Variants in TEX22 observed in about 807,000 individuals in gnomAD.
TEX22 encodes testis expressed 22.
Under a neutral mutation model 11.3 loss-of-function variants are expected in TEX22, and 16 were observed. The observed-to-expected ratio is 1.42, with a 90% CI of 0.96 to 2.15. The LOEUF is 2.15. Ranked by LOEUF, TEX22 falls within the 30% of genes most tolerant of loss-of-function variation. The probability of loss-of-function intolerance (pLI) is 0.00; values close to 1 mark genes in which losing one functional copy is unlikely to be tolerated. For synonymous variants in TEX22, 97 were observed against 92.3 expected (o/e 1.05, Z -0.29); for missense variants, 220 against 208.6 (o/e 1.05, Z -0.34).
intron 2 of TEX22, among the ~76,000 whole-genome samples, chr14:105,399,755 C>T (rs888661463): frequency 3.3e-5 from 5 of 152,218 alleles, no homozygotes; most frequent in Non-Finnish European, 7.3e-5. Context: ...AGGAAGGAGG[C>T]AAGGCAACAC....
Position 105,398,560 on chromosome 14 carries a change from G to C in TEX22, c.-115G>C, listed in dbSNP as rs1028519682. On this transcript the variant is annotated 5_prime_UTR_variant, in exon 1 of 4. Transcript: ENST00000451127. ...CTTGCCGTAGCGGACGTTCTGGAGCGAGGCGCCGGCCCCTTGGGCCCCCTC... is the reference window on the plus strand; with the variant it reads ...CTTGCCGTAGCGGACGTTCTGGAGCCAGGCGCCGGCCCCTTGGGCCCCCTC... 1 of 152,302 alleles carries C rather than the reference G, an allele frequency of 6.6e-6. No individual in the cohort carries two copies. The highest frequency in any genetic ancestry group is 6.5e-5 in the Admixed American group (1 of 15,288). 9.4% of individuals were successfully genotyped at this position (152,302 alleles called of 1,614,324 possible).
intron 2 of TEX22, among the ~76,000 whole-genome samples, chr14:105,408,831 C>G (rs970311414): frequency 4.6e-5 from 7 of 152,074 alleles, no homozygotes; most frequent in African/African-American, 1.7e-4. Context: ...TCTGTCTACT[C>G]AGCAGAAACC....
chr14:105,402,014 C>T (rs1456233615), intron 2 of TEX22, among the ~76,000 whole-genome samples: 9 of 152,180 alleles, frequency 5.9e-5, no homozygotes, highest in African/African-American at 7.2e-5. Flanking sequence ...GATGAAACCC[C>T]GTCTCTATTA....
intron 2 of TEX22, among the ~76,000 whole-genome samples, chr14:105,401,582 T>C: frequency 2.4e-5 from 1 of 40,856 alleles, no homozygotes; most frequent in Non-Finnish European, 4.5e-5. Flanking sequence ...GGGACTCTTG[T>C]GGGGTGGGGG....
chr14:105,408,364 C>G (rs2081669954), intron 2 of TEX22, among the ~76,000 whole-genome samples: 1 of 151,976 alleles, frequency 6.6e-6, no homozygotes, highest in Admixed American at 6.6e-5. Context: ...GCCTCAGCCT[C>G]CCAAGTAGCT....
chr14:105,404,369 C>T (rs1555418715), intron 2 of TEX22, among the ~76,000 whole-genome samples: 1 of 152,182 alleles, frequency 6.6e-6, no homozygotes, highest in East Asian at 1.9e-4. Context: ...TTGGAAGTCA[C>T]ACTCCTCTCT....
At position 105,406,824 on chromosome 14, in the gene TEX22, C is replaced by T. The variant is rs58299634; in HGVS notation, c.151-4544C>T. On this transcript the variant is annotated intron_variant, in intron 2 of 3. Transcript: ENST00000451127. Reference sequence around the variant, plus strand: ...AGAGCCCATTGTGATCATTATTCACCATTTTTAAATTTTAATTTAGTCATT... The same window carrying T: ...AGAGCCCATTGTGATCATTATTCACTATTTTTAAATTTTAATTTAGTCATT... Among the ~76,000 whole-genome samples the T allele has an allele frequency of 7.1e-3, 1,076 of 152,192 alleles. 16 individuals carry two copies. Among genetic ancestry groups the T allele is most frequent in the African/African-American group, 0.024 (1,017 of 41,546 alleles).
intron 2 of TEX22, among the ~76,000 whole-genome samples, chr14:105,410,371 C>T (rs200829285): frequency 1.3e-5 from 2 of 152,258 alleles, no homozygotes; most frequent in Non-Finnish European, 2.9e-5. Flanking sequence ...GCCACCACAC[C>T]CGGCCAGCCT....
intron 2 of TEX22, among the ~76,000 whole-genome samples, chr14:105,404,502 GCAGT>G (rs1258026230): frequency 6.6e-6 from 1 of 152,194 alleles, no homozygotes; most frequent in Non-Finnish European, 1.5e-5. Context: ...GCTCTCACAG[GCAGT>G]CATTTAGTCT....
rs1222637505 is a variant in TEX22, at chr14:105,413,539, G to C, written c.*1706G>C. ...TGAGTGTCTCCTGAGGCTGCAGTCA[G>C]AGCGTGGTGGTCCAGGATGCTGGTG... On this transcript the variant is annotated 3_prime_UTR_variant, in exon 4 of 4. Coordinates refer to ENST00000451127, the MANE Select transcript of TEX22 (RefSeq NM_001195082.2). This position sits in a 1 kb window ranked among gnomAD's most constrained non-coding sequence, Gnocchi z 4.2. 2 of 152,386 alleles carry C rather than the reference G, an allele frequency of 1.3e-5. No individual in the cohort carries two copies. The highest frequency in any genetic ancestry group is 4.8e-5 in the African/African-American group (2 of 41,452). The allele number at this position is 152,386 out of a possible 1,614,324, so 9.4% of individuals were successfully genotyped here.
chr14:105,406,865 C>A (rs1490410964), intron 2 of TEX22, among the ~76,000 whole-genome samples: 1 of 152,142 alleles, frequency 6.6e-6, no homozygotes, highest in Non-Finnish European at 1.5e-5. Context: ...TTCCTAATTT[C>A]ATCTTTAAGC....
At chr14:105,405,290 A>G (rs587751010) in intron 2 of TEX22, among the ~76,000 whole-genome samples, 2 of 143,294 alleles carry the variant, frequency 1.4e-5, no homozygotes, top group East Asian at 2.0e-4. Flanking sequence ...ACCTTGACTC[A>G]AAAAAAAAAA....
intron 2 of TEX22, among the ~76,000 whole-genome samples, chr14:105,403,943 G>T (rs2081645740): frequency 6.6e-6 from 1 of 152,214 alleles, no homozygotes; most frequent in Non-Finnish European, 1.5e-5. Flanking sequence ...TCACAGGCAT[G>T]AGCCACCATA....
At position 105,411,740 on chromosome 14, in the gene TEX22, C is replaced by T. The variant is rs1555419422; in HGVS notation, c.360C>T (p.Thr120=). 2.0e-6 allele frequency: 3 copies of T among 1,520,880 alleles called. No homozygotes were observed. Among genetic ancestry groups the T allele is most frequent in the East Asian group, 5.2e-5 (2 of 38,286 alleles). The allele number at this position is 1,520,880 out of a possible 1,614,324, so 94.2% of individuals were successfully genotyped here. A position where few individuals can be genotyped will look rare whatever the true frequency, so the allele number is the denominator to read the frequency against. The change falls in exon 4 of 4, where the codon ACC becomes ACT. Residue 120 remains threonine, a synonymous_variant. Coordinates refer to ENST00000451127, the MANE Select transcript of TEX22 (RefSeq NM_001195082.2). ...DVLLPHPLRS[T]ESTNAFQAFL... ...TCCTTCCCCACCCGCTGAGGTCCAC[C>T]GAGTCCACCAACGCCTTCCAGGCCT...
chr14:105,400,181 A>G (rs1018580895), intron 2 of TEX22, among the ~76,000 whole-genome samples: 12 of 152,298 alleles, frequency 7.9e-5, no homozygotes, highest in Admixed American at 6.5e-4. Flanking sequence ...GGCACTGGCA[A>G]TGCTTTGGCA....
intron 2 of TEX22, among the ~76,000 whole-genome samples, chr14:105,407,720 C>T (rs1389702761): frequency 6.6e-6 from 1 of 152,188 alleles, no homozygotes; most frequent in African/African-American, 2.4e-5. Context: ...TTCTTTTTCA[C>T]TCAGGACTTA....
At chr14:105,410,673 C>T (rs1555419246) in intron 2 of TEX22, among the ~76,000 whole-genome samples, 1 of 152,262 alleles carries the variant, frequency 6.6e-6, no homozygotes, top group Non-Finnish European at 1.5e-5. Flanking sequence ...ACTGCCTTCT[C>T]TCCCCTCTCC....
At chr14:105,402,752 T>C (rs2081638968) in intron 2 of TEX22, among the ~76,000 whole-genome samples, 3 of 134,904 alleles carry the variant, frequency 2.2e-5, no homozygotes, top group African/African-American at 6.4e-5. Flanking sequence ...CGAGACTCCG[T>C]CTCAAAAAAA....
chr14:105,401,398 A>G (rs587760437), intron 2 of TEX22, among the ~76,000 whole-genome samples: 42 of 152,268 alleles, frequency 2.8e-4, no homozygotes, highest in African/African-American at 9.9e-4. Flanking sequence ...AAGAAGTCGC[A>G]GCCATAAAAA....
Sources: gnomAD v4.1 joint callset for allele counts (sites outside exome capture counted in the v4.1 genomes callset) on GRCh38, gnomAD v4.1.1 for gene constraint, Gnocchi (gnomAD v3.1) non-coding constraint, MANE v1.5 for transcripts, NCBI Gene and HGNC (gene_info 2026-07-23, HGNC 2026-07-21) for gene names.